Variants in KANK1 observed in about 807,000 individuals in gnomAD.
KANK1 encodes KN motif and ankyrin repeat domains 1.
Under a neutral mutation model 106.2 loss-of-function variants are expected in KANK1, and 109 were observed. The observed-to-expected ratio is 1.03, with a 90% CI of 0.88 to 1.20. The LOEUF (loss-of-function observed/expected upper bound fraction) is 1.20. Among genes scored for constraint, KANK1 ranks in the 50% most tolerant of loss-of-function variants. KANK1 has a pLI of 0.00. For missense variants in KANK1, 2,399 were observed against 1,710.7 expected (o/e 1.40, Z -7.10); for synonymous variants, 873 against 652.2 (o/e 1.34, Z -5.16).
rs549689168 is a variant in KANK1, at chr9:565,558, C to T, written c.-84+60804C>T. 2.2e-4 allele frequency among the ~76,000 whole-genome samples: 34 copies of T among 152,178 alleles called. No individual in the cohort carries two copies. In the South Asian group the frequency reaches 4.2e-3, roughly 19 times the overall value. ...GGGTTGAGGTTTTTCAAGGATAGTT[C>T]GGTGGACAGGGGACTATAGAATGGA... On this transcript the variant is annotated intron_variant, in intron 1 of 11. Transcript: ENST00000382297.
chr9:570,599 T>A (rs547527867), intron 1 of KANK1, among the ~76,000 whole-genome samples: 1 of 152,344 alleles, frequency 6.6e-6, no homozygotes, highest in East Asian at 1.9e-4. Flanking sequence ...GCATGCTGCT[T>A]CATTCGATTA....
At chr9:658,951 G>A (rs1842728338) in intron 1 of KANK1, among the ~76,000 whole-genome samples, 1 of 152,064 alleles carries the variant, frequency 6.6e-6, no homozygotes, top group Admixed American at 6.5e-5. Context: ...CTATACATCT[G>A]CATACCCTCA....
At chr9:578,249 ATTC>A (rs1383775641) in intron 1 of KANK1, among the ~76,000 whole-genome samples, 1 of 152,178 alleles carries the variant, frequency 6.6e-6, no homozygotes, top group Non-Finnish European at 1.5e-5. Flanking sequence ...AGTAGGAAAC[ATTC>A]TTCTTGCTTT....
intron 1 of KANK1, among the ~76,000 whole-genome samples, chr9:575,533 A>G (rs1446718279): frequency 2.7e-5 from 4 of 148,388 alleles, no homozygotes; most frequent in South Asian, 2.1e-4. Context: ...AAAGCCAGGA[A>G]TGGTGATGCA....
At chr9:731,118 G>A (rs370090319) in intron 4 of KANK1, 40 bp from the exon 5 acceptor site, 6 of 1,064,244 alleles carry the variant, frequency 5.6e-6, no homozygotes, top group Non-Finnish European at 7.2e-6. Context: ...AACATGTATG[G>A]GTGTGAGTTT....
At chr9:602,172 A>G (rs926053623) in intron 1 of KANK1, among the ~76,000 whole-genome samples, 1 of 152,004 alleles carries the variant, frequency 6.6e-6, no homozygotes, top group Non-Finnish European at 1.5e-5. Flanking sequence ...ATAGGATAGC[A>G]TTAGCATCCA....
chr9:730,799 GTTATCTCA>G (rs1433713682), intron 4 of KANK1: 1 of 179,718 alleles, frequency 5.6e-6, no homozygotes, highest in Non-Finnish European at 1.2e-5. Context: ...GTTTTTTCAG[GTTATCTCA>G]GCTGAAGAAG....
intron 1 of KANK1, among the ~76,000 whole-genome samples, chr9:666,261 A>G (rs939291763): frequency 6.6e-6 from 1 of 151,888 alleles, no homozygotes; most frequent in Admixed American, 6.6e-5. Flanking sequence ...TCTTTTTCAG[A>G]TTGTTCACTA....
intron 3 of KANK1, among the ~76,000 whole-genome samples, chr9:726,597 C>G (rs1830716824): frequency 6.6e-6 from 1 of 151,770 alleles, no homozygotes; most frequent in Non-Finnish European, 1.5e-5. Context: ...CAAGATCGCA[C>G]CACTGCACTG....
intron 1 of KANK1, among the ~76,000 whole-genome samples, chr9:568,216 A>T (rs978751722): frequency 7.9e-5 from 12 of 152,216 alleles, no homozygotes; most frequent in Admixed American, 2.6e-4. Context: ...GATTTTTTAC[A>T]CCAAAGGCAA....
At chr9:579,084 G>A (rs1472888016) in intron 1 of KANK1, among the ~76,000 whole-genome samples, 1 of 152,160 alleles carries the variant, frequency 6.6e-6, no homozygotes, top group Non-Finnish European at 1.5e-5. Flanking sequence ...AGAAAAATCG[G>A]GTTCAGTGAG....
At chr9:744,617 A>G in intron 11 of KANK1, 28 bp downstream of exon 11, 5 of 1,614,066 alleles carry the variant, frequency 3.1e-6, no homozygotes, top group Non-Finnish European at 4.2e-6. Flanking sequence ...GGCATTTGTA[A>G]ATAGGCTGAA....
intron 1 of KANK1, among the ~76,000 whole-genome samples, chr9:624,520 C>G (rs1218557901): frequency 6.6e-6 from 1 of 152,018 alleles, no homozygotes; most frequent in Admixed American, 6.6e-5. Context: ...ATGATGAAAA[C>G]AGGCCGGGTG....
rs114276831 is a variant in KANK1 at position 712,321 on chromosome 9, G to T, written c.1555G>T (p.Val519Leu). The change falls in exon 3 of 12, where the codon GTG becomes TTG. Residue 519 changes from valine (V) to leucine (L), a missense_variant. By Grantham distance (32) the Val-to-Leu change is conservative (BLOSUM62 1). Coordinates refer to ENST00000382297, the MANE Select transcript of KANK1 (RefSeq NM_015158.5). Reference sequence around the variant, plus strand: ...TGTTTTCAGTAAGGTGGTGGAGGCAGTGGTGCAGACCAGAGACCAAATGGT... The same window carrying T: ...TGTTTTCAGTAAGGTGGTGGAGGCATTGGTGCAGACCAGAGACCAAATGGT... ...PLVFSKVVEA[V>L]VQTRDQMVGS... 1.4e-5 allele frequency: 23 copies of T among 1,614,226 alleles called. No individual in the cohort carries two copies. The highest frequency in any genetic ancestry group is 1.9e-5 in the Non-Finnish European group (23 of 1,180,044).
chr9:602,100 GA>G (rs1346119791), intron 1 of KANK1, among the ~76,000 whole-genome samples: 2 of 151,798 alleles, frequency 1.3e-5, no homozygotes, highest in East Asian at 3.9e-4. Flanking sequence ...ATACCCTGTA[GA>G]AAAATAGGTT....
chr9:509,608 T>G (rs144127653), intron 1 of KANK1, among the ~76,000 whole-genome samples: 1 of 152,248 alleles, frequency 6.6e-6, no homozygotes, highest in Non-Finnish European at 1.5e-5. Flanking sequence ...ATCCTCTTAT[T>G]AGAAATGTGT....
At chr9:742,126 T>C (rs1307920665) in intron 9 of KANK1, 79 bp from the exon 10 acceptor site, 1 of 1,210,116 alleles carries the variant, frequency 8.3e-7, no homozygotes, top group Non-Finnish European at 1.2e-6. Context: ...CTTCCCCCTT[T>C]CCCTAGCACA....
intron 1 of KANK1, among the ~76,000 whole-genome samples, chr9:578,154 T>G (rs1821087986): frequency 6.6e-6 from 1 of 152,144 alleles, no homozygotes; most frequent in Non-Finnish European, 1.5e-5. Context: ...AAATGAGGAC[T>G]CCTCAGAAAA....
At chr9:582,944 TG>T (rs755023812) in intron 1 of KANK1, among the ~76,000 whole-genome samples, 1 of 152,238 alleles carries the variant, frequency 6.6e-6, no homozygotes. Context: ...AGATTAAACT[TG>T]TAGTGACTGA....
Sources: allele counts gnomAD v4.1 joint callset (sites outside exome capture counted in the v4.1 genomes callset), GRCh38; gene constraint gnomAD v4.1.1; transcripts MANE v1.5; gene names NCBI Gene and HGNC (gene_info 2026-07-23, HGNC 2026-07-21).